MYO16: variants seen among roughly 807,000 people sequenced by gnomAD.
MYO16 encodes the protein myosin XVI.
In MYO16, 94 loss-of-function variants were observed where a neutral mutation model predicts 205.3. The ratio of observed to expected loss-of-function variants is 0.46; its 90% CI spans 0.39 to 0.54. The LOEUF is 0.54. Ranked by LOEUF, MYO16 falls within the 20% of genes least tolerant of loss-of-function variation. The pLI, the probability that MYO16 is intolerant of heterozygous loss-of-function variation, is 0.00. For synonymous variants in MYO16, 988 were observed against 954.0 expected, an observed-to-expected ratio of 1.04 and a Z score of -0.66; for missense variants, 2,315 against 2,387.5, an observed-to-expected ratio of 0.97 and a Z score of 0.63.
Position 108,914,938 on chromosome 13 carries a change from C to T in MYO16, c.1925+4788C>T, listed in dbSNP as rs543986828. ...GATCACAAGCATGAACCACTGCGCCCGACCTGTAATTTGGTTTTATCATTA... is the reference window on the plus strand; with the variant it reads ...GATCACAAGCATGAACCACTGCGCCTGACCTGTAATTTGGTTTTATCATTA... On this transcript the variant is annotated intron_variant, in intron 16 of 34. Coordinates refer to ENST00000457511, the MANE Select transcript of MYO16 (RefSeq NM_001198950.3). Among the ~76,000 whole-genome samples the T allele has an allele frequency of 5.3e-5, 8 of 152,278 alleles. No homozygotes were observed. The South Asian group carries it at 6.2e-4, about 12-fold the overall frequency.
intron 16 of MYO16, among the ~76,000 whole-genome samples, chr13:108,928,327 G>T (rs1243459152): frequency 6.6e-6 from 1 of 152,168 alleles, no homozygotes. Flanking sequence ...TGGCAATATG[G>T]TTACGGCACT....
chr13:108,599,989 G>T (rs556652988), intron 1 of MYO16, among the ~76,000 whole-genome samples: 13 of 152,124 alleles, frequency 8.5e-5, no homozygotes, highest in Admixed American at 2.6e-4. Flanking sequence ...CCATCTATTT[G>T]CACAGTCATC....
intron 18 of MYO16, 150 bp downstream of exon 18, chr13:108,961,806 T>C: frequency 1.5e-6 from 1 of 645,502 alleles, no homozygotes; most frequent in Non-Finnish European, 2.7e-6. Context: ...TTGTCTACTT[T>C]GTTTTTTCTT....
At chr13:108,802,977 C>T (rs985273397) in intron 6 of MYO16, among the ~76,000 whole-genome samples, 15 of 151,978 alleles carry the variant, frequency 9.9e-5, no homozygotes, top group Admixed American at 2.0e-4. Context: ...GGAGTGGCAT[C>T]GTTAAATAGA....
At chr13:108,838,311 G>A (rs1226654079) in intron 9 of MYO16, among the ~76,000 whole-genome samples, 6 of 151,972 alleles carry the variant, frequency 3.9e-5, no homozygotes, top group Admixed American at 1.3e-4. Context: ...CATGTTAAAT[G>A]TCATATAATT....
chr13:108,804,206 G>A (rs967054078), intron 6 of MYO16, among the ~76,000 whole-genome samples: 15 of 152,110 alleles, frequency 9.9e-5, no homozygotes, highest in African/African-American at 3.4e-4. Context: ...AATAATTCAC[G>A]GCTTTTATAC....
At chr13:108,758,893 T>C (rs558196062) in intron 4 of MYO16, among the ~76,000 whole-genome samples, 6 of 152,348 alleles carry the variant, frequency 3.9e-5, no homozygotes, top group African/African-American at 1.4e-4. Flanking sequence ...TAGTGTAATA[T>C]CTTTTTCTTC....
chr13:108,989,857 AACTT>A (rs1884766049), intron 20 of MYO16, among the ~76,000 whole-genome samples: 1 of 152,088 alleles, frequency 6.6e-6, no homozygotes, highest in Admixed American at 6.6e-5. Flanking sequence ...ACTTTTAAAA[AACTT>A]ATTTTTTAAA....
rs1400000340 is a variant in MYO16, at chr13:109,105,655, T to C, written c.3438+4768T>C. On this transcript the variant is annotated intron_variant, in intron 28 of 34. Transcript: ENST00000457511. ...AATGTAATTTTAGCATAGAATACTA[T>C]ATAGGGTCAAATTAATTATTTTAAA... Among the ~76,000 whole-genome samples, 5 of 152,198 alleles carry C rather than the reference T, an allele frequency of 3.3e-5. No homozygotes were observed. In the East Asian group the frequency reaches 9.6e-4, roughly 29 times the overall value.
chr13:109,108,456 T>A (rs1594092551), intron 28 of MYO16, among the ~76,000 whole-genome samples: 1 of 152,262 alleles, frequency 6.6e-6, no homozygotes, highest in Non-Finnish European at 1.5e-5. Context: ...AATTGCTGAT[T>A]AAAACTGACT....
At chr13:109,040,682 A>G (rs898656000) in intron 23 of MYO16, among the ~76,000 whole-genome samples, 7 of 152,218 alleles carry the variant, frequency 4.6e-5, no homozygotes, top group African/African-American at 1.7e-4. Context: ...ATAAAAATCA[A>G]CTCCCAGACA....
At chr13:108,732,767 A>G (rs932376048) in intron 4 of MYO16, among the ~76,000 whole-genome samples, 1 of 152,210 alleles carries the variant, frequency 6.6e-6, no homozygotes, top group Non-Finnish European at 1.5e-5. Context: ...AACTGAGAAG[A>G]ACAGGGAACA....
At chr13:109,177,658 C>G (rs1288046573) in intron 33 of MYO16, among the ~76,000 whole-genome samples, 1 of 152,088 alleles carries the variant, frequency 6.6e-6, no homozygotes, top group Non-Finnish European at 1.5e-5. Context: ...GCTGAGACTA[C>G]AGGTGTGCAC....
the MYO16 span, among the ~76,000 whole-genome samples, chr13:108,533,036 A>G: frequency 6.6e-6 from 1 of 152,134 alleles, no homozygotes; most frequent in Admixed American, 6.6e-5. Context: ...TGATGGAAAG[A>G]TGGGTGGATT....
At chr13:108,976,746 C>T (rs115756193) in intron 20 of MYO16, among the ~76,000 whole-genome samples, 2,852 of 152,202 alleles carry the variant, frequency 0.019, 79 homozygotes, top group African/African-American at 0.065. Flanking sequence ...ACGCTTATCC[C>T]GACTTTTCTT....
the MYO16 span, among the ~76,000 whole-genome samples, chr13:108,578,257 A>G: frequency 4.6e-5 from 7 of 152,196 alleles, no homozygotes; most frequent in Admixed American, 3.9e-4. Context: ...GGGTTTTCCC[A>G]TGTTTAATTC....
the MYO16 span, among the ~76,000 whole-genome samples, chr13:108,582,474 A>T: frequency 6.6e-6 from 1 of 152,346 alleles, no homozygotes; most frequent in Admixed American, 6.5e-5. Context: ...GGCACAACCC[A>T]ACTGAGCACC....
At chr13:108,623,135 T>C (rs1200017055) in intron 1 of MYO16, among the ~76,000 whole-genome samples, 1 of 152,180 alleles carries the variant, frequency 6.6e-6, no homozygotes, top group Non-Finnish European at 1.5e-5. Context: ...GGTATGCTTT[T>C]ATGTAATCAC....
chr13:108,588,303 G>C, the MYO16 span, among the ~76,000 whole-genome samples: 21 of 152,104 alleles, frequency 1.4e-4, no homozygotes, highest in African/African-American at 5.1e-4. Flanking sequence ...TTTGTACTTT[G>C]ACAAATGTGG....
Sources: gnomAD v4.1 joint callset for allele counts (sites outside exome capture counted in the v4.1 genomes callset) on GRCh38, gnomAD v4.1.1 for gene constraint, MANE v1.5 for transcripts, NCBI Gene and HGNC (gene_info 2026-07-23, HGNC 2026-07-21) for gene names.